CPLANE1: variants seen among roughly 807,000 people sequenced by gnomAD.
CPLANE1 encodes ciliogenesis and planar polarity effector complex subunit 1, also known as ciliogenesis and planar polarity effector 1.
In CPLANE1, 263 loss-of-function variants were observed where a neutral mutation model predicts 362.5. The ratio of observed to expected loss-of-function variants is 0.73; its 90% confidence interval spans 0.66 to 0.80. CPLANE1 has a LOEUF of 0.80. Ranked by LOEUF, CPLANE1 falls within the 30% of genes least tolerant of loss-of-function variation. The pLI is 0.00. For synonymous variants in CPLANE1, 1,212 were observed against 1,302.6 expected (o/e 0.93, Z 1.50); for missense variants, 3,461 against 3,793.4 (o/e 0.91, Z 2.30).
intron 26 of CPLANE1, 114 bp downstream of exon 26, chr5:37,182,646 T>C (rs779155978): frequency 1.4e-6 from 1 of 708,308 alleles, no homozygotes; most frequent in Non-Finnish European, 2.2e-6. Context: ...ATAATCAACA[T>C]TGTCATTAAT....
intron 1 of CPLANE1, among the ~76,000 whole-genome samples, chr5:37,248,808 G>A (rs1215424413): frequency 1.3e-5 from 2 of 152,180 alleles, no homozygotes; most frequent in African/African-American, 4.8e-5. Flanking sequence ...TAAAATTATT[G>A]AGTGAAAAAA....
intron 51 of CPLANE1, 151 bp from the exon 52 acceptor site, chr5:37,108,622 T>TTCGA (rs993119019): frequency 3.0e-5 from 21 of 711,046 alleles, no homozygotes; most frequent in Non-Finnish European, 4.6e-5. Context: ...CACTTTAGAG[T>TTCGA]TCGAACAATT....
Position 37,180,062 on chromosome 5 carries a change from C to A in CPLANE1, c.5692G>T (p.Ala1898Ser). The A allele has an allele frequency of 6.4e-7, 1 of 1,572,340 alleles. No homozygotes were observed. Among genetic ancestry groups the A allele is most frequent in the Non-Finnish European group, 8.6e-7 (1 of 1,157,620 alleles). Residue 1898 changes from alanine (A) to serine (S), a missense_variant, in exon 28 of 53, where the codon GCA (alanine) becomes TCA (serine). By Grantham distance (99) the Ala-to-Ser change is moderately conservative. Coordinates refer to ENST00000651892, the MANE Select transcript of CPLANE1 (RefSeq NM_001384732.1). ...ATATCCATTTCCTCTTCTGTAAATG[C>A]TTCTACTTCTAAAAGATTCTCATCA... is the stretch of plus-strand genomic sequence containing the variant. ...DIDENLLEVE[A>S]FTEEEMDMHI...
rs867730736 is a variant in CPLANE1 at position 37,161,850 on chromosome 5, T to A, written c.7690+615A>T. ...AATCACCCAAATATTCTACAATGAT[T>A]ACATTTTTAAAACATAAGATAAAGT... is the stretch of plus-strand genomic sequence containing the variant. On this transcript the variant is annotated intron_variant, in intron 38 of 52. Transcript: ENST00000651892. Among the ~76,000 whole-genome samples, 6 of 152,380 alleles carry A rather than the reference T, an allele frequency of 3.9e-5. No homozygotes were observed. The South Asian group carries it at 6.2e-4, about 16-fold the overall frequency.
chr5:37,228,777 C>T lies in CPLANE1; in HGVS notation c.1122-960G>A, dbSNP rs1457565472. ...TTTTGTAACATTTGATTTTTGAGTG[C>T]TAAAATAAATAATGAATACTATACT... On this transcript the variant is annotated intron_variant, in intron 9 of 52. Coordinates refer to ENST00000651892, the MANE Select transcript of CPLANE1 (RefSeq NM_001384732.1). 4.0e-5 allele frequency among the ~76,000 whole-genome samples: 6 copies of T among 151,500 alleles called. No homozygotes were observed. In the East Asian group the frequency reaches 5.8e-4, roughly 15 times the overall value.
At chr5:37,203,470 G>A (rs1789792734) in intron 18 of CPLANE1, among the ~76,000 whole-genome samples, 1 of 152,046 alleles carries the variant, frequency 6.6e-6, no homozygotes, top group African/African-American at 2.4e-5. Flanking sequence ...CCAAATTTTG[G>A]CTATTATGAA....
At chr5:37,138,507 G>A (rs1309024351) in intron 46 of CPLANE1, 3 of 681,790 alleles carry the variant, frequency 4.4e-6, no homozygotes, top group Non-Finnish European at 8.2e-6. Flanking sequence ...TACTTAGAGT[G>A]ATTCTTGGGA....
the CPLANE1 span, among the ~76,000 whole-genome samples, chr5:37,088,811 C>G: frequency 6.6e-6 from 1 of 152,088 alleles, no homozygotes; most frequent in East Asian, 1.9e-4. Flanking sequence ...CTGGGGCCTG[C>G]TGCCTCCAGG....
In CPLANE1 at chr5:37,170,277, T is replaced by C. The variant is rs767783400; in HGVS notation, c.6226A>G (p.Asn2076Asp). 3 of 1,614,068 alleles carry C rather than the reference T, an allele frequency of 1.9e-6. No individual in the cohort carries two copies. Among genetic ancestry groups the C allele is most frequent in the African/African-American group, 2.7e-5 (2 of 74,938 alleles). The change falls in exon 33 of 53, where the codon AAT becomes GAT. Residue 2076 changes from asparagine (N) to aspartate (D), a missense_variant. Coordinates refer to ENST00000651892, the MANE Select transcript of CPLANE1 (RefSeq NM_001384732.1). ...ACAAGTTGTTGTGTATCTGGGAGAT[T>C]AGCAAAGGATGATCCTACTATTTGC... is the stretch of plus-strand genomic sequence containing the variant. ...LMQIVGSSFA[N>D]LPDTQQLVQQ...
At chr5:37,135,067 AC>A (rs1767224745) in intron 46 of CPLANE1, among the ~76,000 whole-genome samples, 1 of 152,190 alleles carries the variant, frequency 6.6e-6, no homozygotes, top group Non-Finnish European at 1.5e-5. Flanking sequence ...TGCTGGGATT[AC>A]AGATGTGAGC....
intron 39 of CPLANE1, 170 bp downstream of exon 39, chr5:37,158,054 G>A (rs567385465): frequency 2.4e-6 from 2 of 823,330 alleles, no homozygotes; most frequent in South Asian, 4.2e-5. Flanking sequence ...ATTGGTCTTA[G>A]TTTATAATAT....
At position 37,224,368 on chromosome 5, in the gene CPLANE1, AATTAT is replaced by A. The variant is rs767421883; in HGVS notation, c.2501-40_2501-36del. 14 of 1,417,840 alleles carry A rather than the reference AATTAT, an allele frequency of 9.9e-6. No individual in the cohort carries two copies. The South Asian group carries it at 1.6e-4, about 16-fold the overall frequency. The allele number at this position is 1,417,840 out of a possible 1,614,324, so 87.8% of individuals were successfully genotyped here. On this transcript the variant is annotated intron_variant, in intron 13 of 52. Coordinates refer to ENST00000651892, the MANE Select transcript of CPLANE1 (RefSeq NM_001384732.1). ...TTTTAACCAACAATTAGTCATAGTT[AATTAT>A]ATTACTTCATAAAAATTTACTTTGT...
Position 37,187,420 on chromosome 5 carries a change from G to C in CPLANE1, c.4074C>G (p.Ile1358Met), listed in dbSNP as rs145018253. The C allele has an allele frequency of 3.1e-6, 5 of 1,609,586 alleles. No homozygotes were observed. The highest frequency in any genetic ancestry group is 4.2e-6 in the Non-Finnish European group (5 of 1,178,374). The change falls in exon 23 of 53, where the codon ATC becomes ATG. Residue 1358 changes from isoleucine to methionine, a missense_variant. Ile to Met is a conservative substitution (Grantham distance 10). Coordinates refer to ENST00000651892, the MANE Select transcript of CPLANE1 (RefSeq NM_001384732.1). ...TCACCTACAAGCACATTACCTTTCT[G>C]ATTGGTGGCAGTTCTCCAATAAGGC... is the stretch of plus-strand genomic sequence containing the variant. ...ILSLIGELPP[I>M]RKVAEIFVKA...
chr5:37,094,324 G>C, the CPLANE1 span, among the ~76,000 whole-genome samples: 2 of 130,532 alleles, frequency 1.5e-5, no homozygotes, highest in South Asian at 2.4e-4. Flanking sequence ...AAATTAACTT[G>C]CTCCTGAATG....
chr5:37,192,917 C>T (rs1242053118), intron 21 of CPLANE1, among the ~76,000 whole-genome samples: 1 of 150,998 alleles, frequency 6.6e-6, no homozygotes, highest in Non-Finnish European at 1.5e-5. Flanking sequence ...GCCTGTAATC[C>T]CAGCACTTTG....
At chr5:37,170,373 C>A (rs1199564364) in intron 32 of CPLANE1, 42 bp from the exon 33 acceptor site, 1 of 1,535,148 alleles carries the variant, frequency 6.5e-7, no homozygotes, top group South Asian at 1.2e-5. Context: ...TAAAATATAA[C>A]AAAAAGAATC....
chr5:37,125,218 C>T (rs746468306), intron 47 of CPLANE1, 26 bp downstream of exon 47: 1 of 1,588,108 alleles, frequency 6.3e-7, no homozygotes, highest in Non-Finnish European at 8.6e-7. Flanking sequence ...TCTGTAATTC[C>T]ATTACCCTTG....
chr5:37,108,253 G>C (rs751532525), intron 52 of CPLANE1, 40 bp downstream of exon 52: 2 of 1,544,038 alleles, frequency 1.3e-6, no homozygotes, highest in Admixed American at 3.6e-5. Flanking sequence ...GAAGAACATA[G>C]AGCAATCACT....
At chr5:37,084,649 A>G in the CPLANE1 span, among the ~76,000 whole-genome samples, 1 of 152,056 alleles carries the variant, frequency 6.6e-6, no homozygotes, top group Non-Finnish European at 1.5e-5. Context: ...GCGTGGTGGC[A>G]AGCGCCTGTA....
Sources: allele counts gnomAD v4.1 joint callset (sites outside exome capture counted in the v4.1 genomes callset), GRCh38; gene constraint gnomAD v4.1.1; transcripts MANE v1.5; gene names NCBI Gene and HGNC (gene_info 2026-07-23, HGNC 2026-07-21).